SPMIP7: variants seen among roughly 807,000 people sequenced by gnomAD.
The protein encoded by SPMIP7 is sperm microtubule inner protein 7, also known as protein SPMIP7.
chr7:50,122,326 T>C, the SPMIP7 span, among the ~76,000 whole-genome samples: 2 of 151,428 alleles, frequency 1.3e-5, no homozygotes, highest in South Asian at 2.1e-4. Flanking sequence ...AAGGATTCCC[T>C]ATTTAATAAA....
the SPMIP7 span, among the ~76,000 whole-genome samples, chr7:50,108,276 A>G: frequency 6.6e-6 from 1 of 152,218 alleles, no homozygotes; most frequent in African/African-American, 2.4e-5. Flanking sequence ...CACCAGCAAG[A>G]AAATAGCCAC....
At chr7:50,096,448 T>C in the SPMIP7 span, 1 of 1,551,746 alleles carries the variant, frequency 6.4e-7, no homozygotes, top group Non-Finnish European at 8.7e-7. Flanking sequence ...ATTTAAATCC[T>C]GGCATTGGCA....
At chr7:50,097,752 A>G in the SPMIP7 span, among the ~76,000 whole-genome samples, 1 of 151,934 alleles carries the variant, frequency 6.6e-6, no homozygotes, top group Non-Finnish European at 1.5e-5. Flanking sequence ...TTTTATGTAA[A>G]AATACCTAAA....
the SPMIP7 span, among the ~76,000 whole-genome samples, chr7:50,099,364 T>C: frequency 6.6e-6 from 1 of 152,200 alleles, no homozygotes; most frequent in Admixed American, 6.5e-5. Context: ...CGTGACGGTT[T>C]TCTGTGGGGT....
chr7:50,140,960 C>T, the SPMIP7 span, among the ~76,000 whole-genome samples: 1 of 152,242 alleles, frequency 6.6e-6, no homozygotes, highest in East Asian at 1.9e-4. Context: ...CTTGCCCAGC[C>T]TCCAGCCGGT....
chr7:50,148,433 C>G, the SPMIP7 span, among the ~76,000 whole-genome samples: 1 of 152,214 alleles, frequency 6.6e-6, no homozygotes, highest in Admixed American at 6.5e-5. Flanking sequence ...TGGCCTGCGT[C>G]CATCCCTCTG....
the SPMIP7 span, among the ~76,000 whole-genome samples, chr7:50,102,193 G>C: frequency 6.6e-6 from 1 of 152,148 alleles, no homozygotes; most frequent in Non-Finnish European, 1.5e-5. Flanking sequence ...TTGTGCTGGC[G>C]CGTGCCCGTA....
At chr7:50,099,000 C>T in the SPMIP7 span, among the ~76,000 whole-genome samples, 1 of 152,220 alleles carries the variant, frequency 6.6e-6, no homozygotes, top group Non-Finnish European at 1.5e-5. Flanking sequence ...TCCCTCCCTG[C>T]CAGGGGTTAT....
the SPMIP7 span, among the ~76,000 whole-genome samples, chr7:50,148,662 A>G: frequency 6.6e-6 from 1 of 152,206 alleles, no homozygotes; most frequent in Non-Finnish European, 1.5e-5. Context: ...CTTTTCCAAC[A>G]AAATTCCAAA....
the SPMIP7 span, among the ~76,000 whole-genome samples, chr7:50,113,226 T>A: frequency 6.6e-6 from 1 of 151,818 alleles, no homozygotes; most frequent in Non-Finnish European, 1.5e-5. Context: ...GGAAAAAAAA[T>A]CCAAAACTTA....
the SPMIP7 span, among the ~76,000 whole-genome samples, chr7:50,123,498 C>T: frequency 2.0e-5 from 3 of 150,090 alleles, no homozygotes; most frequent in Non-Finnish European, 4.4e-5. Context: ...AGCGCACCAG[C>T]ATGTCACATG....
chr7:50,118,838 G>A, the SPMIP7 span, among the ~76,000 whole-genome samples: 170 of 152,180 alleles, frequency 1.1e-3, no homozygotes, highest in Non-Finnish European at 2.0e-3. Flanking sequence ...ATATTACCTC[G>A]GCTTTAATGG....
At chr7:50,116,713 C>T in the SPMIP7 span, among the ~76,000 whole-genome samples, 1 of 152,086 alleles carries the variant, frequency 6.6e-6, no homozygotes, top group African/African-American at 2.4e-5. Flanking sequence ...AATATTCTAA[C>T]TATATTTTTG....
the SPMIP7 span, among the ~76,000 whole-genome samples, chr7:50,146,871 G>A: frequency 1.3e-5 from 2 of 152,276 alleles, no homozygotes; most frequent in Admixed American, 1.3e-4. Context: ...CTGCATGCTG[G>A]GCACTGTGCC....
chr7:50,155,606 A>C, the SPMIP7 span, among the ~76,000 whole-genome samples: 1 of 152,178 alleles, frequency 6.6e-6, no homozygotes, highest in Non-Finnish European at 1.5e-5. Context: ...ATATCTACAC[A>C]ACACATAATC....
the SPMIP7 span, among the ~76,000 whole-genome samples, chr7:50,149,427 C>T: frequency 6.6e-6 from 1 of 152,246 alleles, no homozygotes; most frequent in East Asian, 1.9e-4. Flanking sequence ...CCCAGAGTGC[C>T]CCTAAGAGGT....
At chr7:50,129,067 C>T in the SPMIP7 span, among the ~76,000 whole-genome samples, 1 of 151,940 alleles carries the variant, frequency 6.6e-6, no homozygotes. Flanking sequence ...TGAACTAGAA[C>T]TCTGAACCCA....
chr7:50,153,408 C>T, the SPMIP7 span, among the ~76,000 whole-genome samples: 1 of 152,220 alleles, frequency 6.6e-6, no homozygotes, highest in African/African-American at 2.4e-5. Flanking sequence ...TTCACTCACC[C>T]ATTTGCTGGT....
the SPMIP7 span, among the ~76,000 whole-genome samples, chr7:50,133,499 T>C: frequency 6.6e-6 from 1 of 152,164 alleles, no homozygotes; most frequent in South Asian, 2.1e-4. Context: ...GAGCATTTTT[T>C]TGGAAACTGT....
Sources: allele counts gnomAD v4.1 joint callset (sites outside exome capture counted in the v4.1 genomes callset), GRCh38; gene constraint gnomAD v4.1.1; transcripts MANE v1.5; gene names NCBI Gene and HGNC (gene_info 2026-07-23, HGNC 2026-07-21).